Variants in SVEP1 observed in about 807,000 individuals in gnomAD.
The protein encoded by SVEP1 is sushi, von Willebrand factor type A, EGF and pentraxin domain containing 1.
Under a neutral mutation model 367.3 loss-of-function variants are expected in SVEP1, and 164 were observed. The observed-to-expected ratio is 0.45, with a 90% CI of 0.39 to 0.51. The LOEUF (loss-of-function observed/expected upper bound fraction) is 0.51. Among genes scored for constraint, SVEP1 ranks in the 20% least tolerant of loss-of-function variants. The pLI is 0.00. For synonymous variants in SVEP1, 1,666 were observed against 1,611.6 expected (o/e 1.03, Z -0.81); for missense variants, 4,117 against 4,425.3 (o/e 0.93, Z 1.98).
At chr9:110,423,155 T>TAAAAAAAAAAAAAAAAAAAAAAAAA (rs1181321402) in intron 36 of SVEP1, among the ~76,000 whole-genome samples, 1 of 56,512 alleles carries the variant, frequency 1.8e-5, no homozygotes. Context: ...AATAAAAAAA[T>TAAAAAAAAAAAAAAAAAAAAAAAAA]AAAAAAATAA....
At chr9:110,437,325 T>G (rs1828444430) in intron 27 of SVEP1, among the ~76,000 whole-genome samples, 1 of 152,106 alleles carries the variant, frequency 6.6e-6, no homozygotes, top group Non-Finnish European at 1.5e-5. Context: ...CTGGCAACAA[T>G]GCCTAACCCT....
chr9:110,471,393 G>A lies in SVEP1; in HGVS notation c.2969C>T (p.Pro990Leu), dbSNP rs894041929. The stretch of plus-strand genomic sequence containing the variant: ...CATACGCCCTCTCAGCACTGAGCCT[G>A]GTCTGCAGAAGGGGGAAGCCTTTTT... ...ETKKASPFCR[P>L]GSVLRGRMCV... Residue 990 changes from proline (P) to leucine (L), a missense_variant, in exon 16 of 48, where the codon CCA becomes CTA. Coordinates refer to ENST00000374469, the MANE Select transcript of SVEP1 (RefSeq NM_153366.4). 3 of 1,613,856 alleles carry A rather than the reference G, an allele frequency of 1.9e-6. No individual in the cohort carries two copies. The highest frequency in any genetic ancestry group is 2.5e-6 in the Non-Finnish European group (3 of 1,179,886).
intron 40 of SVEP1, among the ~76,000 whole-genome samples, chr9:110,394,502 G>A (rs1464817798): frequency 1.3e-5 from 2 of 152,208 alleles, no homozygotes; most frequent in Non-Finnish European, 2.9e-5. Context: ...GCTGGACAGA[G>A]AATGACTTTG....
At chr9:110,494,197 A>G (rs950314582) in intron 8 of SVEP1, among the ~76,000 whole-genome samples, 2 of 152,194 alleles carry the variant, frequency 1.3e-5, no homozygotes, top group Non-Finnish European at 2.9e-5. Flanking sequence ...GGACAAGGAT[A>G]TCTTTGAGGT....
chr9:110,476,558 C>T lies in SVEP1; in HGVS notation c.2488-243G>A, dbSNP rs891542340. On this transcript the variant is annotated intron_variant, in intron 13 of 47. Transcript: ENST00000374469. ...ATGTCACTCACCATGAGAAGCCCAGCGCTCCTGGAATATCTCCTGTCTCTA... is the reference window on the plus strand; with the variant it reads ...ATGTCACTCACCATGAGAAGCCCAGTGCTCCTGGAATATCTCCTGTCTCTA... Among the ~76,000 whole-genome samples, 7 of 152,212 alleles carry T rather than the reference C, an allele frequency of 4.6e-5. No individual in the cohort carries two copies. In the East Asian group the frequency reaches 5.8e-4, roughly 13 times the overall value.
At chr9:110,513,188 G>T in intron 4 of SVEP1, 83 bp from the exon 5 acceptor site, 1 of 1,260,446 alleles carries the variant, frequency 7.9e-7, no homozygotes, top group Non-Finnish European at 1.1e-6. Flanking sequence ...TTTCAAGGGG[G>T]CATTTATGCA....
chr9:110,386,820 C>G (rs1423210473), intron 42 of SVEP1, among the ~76,000 whole-genome samples: 1 of 152,234 alleles, frequency 6.6e-6, no homozygotes, highest in Non-Finnish European at 1.5e-5. Flanking sequence ...TTAACAAGAG[C>G]AGTCTCAACT....
intron 3 of SVEP1, among the ~76,000 whole-genome samples, chr9:110,520,275 G>A (rs1258615721): frequency 6.6e-6 from 1 of 151,894 alleles, no homozygotes; most frequent in African/African-American, 2.4e-5. Flanking sequence ...TTCCCAAGGG[G>A]GAAAATTCCT....
chr9:110,466,760 C>CAAAAAAAAAAAAAAAAAAAAA lies in SVEP1; in HGVS notation c.3161-735_3161-734insTTTTTTTTTTTTTTTTTTTTT, dbSNP rs71371670. Among the ~76,000 whole-genome samples the CAAAAAAAAAAAAAAAAAAAAA allele has an allele frequency of 5.8e-4, 27 of 46,400 alleles. 9 individuals are homozygous for CAAAAAAAAAAAAAAAAAAAAA. Among genetic ancestry groups the CAAAAAAAAAAAAAAAAAAAAA allele is most frequent in the Admixed American group, 1.5e-3 (5 of 3,274 alleles). The allele number at this position is 46,400 out of a possible 152,430, so 30.4% of individuals were successfully genotyped here. ...TGGGCGACAGAGCGAGACTCCATCT[C>CAAAAAAAAAAAAAAAAAAAAA]AAAAAAAAAAAAAAAAAAGAACTGG... On this transcript the variant is annotated intron_variant, in intron 17 of 47. Coordinates refer to ENST00000374469, the MANE Select transcript of SVEP1 (RefSeq NM_153366.4).
intron 36 of SVEP1, among the ~76,000 whole-genome samples, chr9:110,424,357 A>AG (rs11422071): frequency 0.81 from 123,465 of 152,050 alleles, 50,318 homozygotes; most frequent in Middle Eastern, 0.87. Context: ...ATGTAAAAAA[A>AG]ATAAGGTTAA....
At chr9:110,398,822 A>G (rs199852161) in intron 40 of SVEP1, among the ~76,000 whole-genome samples, 3 of 152,168 alleles carry the variant, frequency 2.0e-5, no homozygotes, top group Non-Finnish European at 2.9e-5. Flanking sequence ...TTAGAATGGC[A>G]ATCATTAAAA....
intron 45 of SVEP1, among the ~76,000 whole-genome samples, chr9:110,376,014 A>G (rs1827345769): frequency 1.3e-5 from 2 of 152,226 alleles, no homozygotes; most frequent in Admixed American, 6.5e-5. Flanking sequence ...AACCCTGTTC[A>G]TGACTATCAT....
Position 110,404,493 on chromosome 9 carries a change from C to A in SVEP1, c.9500G>T (p.Gly3167Val), listed in dbSNP as rs775708070. The stretch of plus-strand genomic sequence containing the variant: ...GGAGATTCTCTCAGGGAACCAGCGA[C>A]CATCTTTCTGACAGGTGAATGTATC... ...DTDTFTCQKD[G>V]RWFPERISCS... is the part of the protein sequence containing the mutation. Residue 3167 changes from glycine (G) to valine (V), a missense_variant, in exon 39 of 48, where the codon GGT (glycine) becomes GTT (valine). By Grantham distance (109) the Gly-to-Val change is moderately radical. Coordinates refer to ENST00000374469, the MANE Select transcript of SVEP1 (RefSeq NM_153366.4). The A allele has an allele frequency of 6.2e-7, 1 of 1,613,994 alleles. No homozygotes were observed. Among genetic ancestry groups the A allele is most frequent in the Non-Finnish European group, 8.5e-7 (1 of 1,179,894 alleles).
At position 110,558,333 on chromosome 9, in the gene SVEP1, CAAAAAA is replaced by C. The variant is rs60516091; in HGVS notation, c.532-8235_532-8230del. ...GCAACATGGAGAAACCCTGTCTCTACAAAAAAAAAAAAAAAAAAAAATTGCAAAAAA... is the reference window on the plus strand; with the variant it reads ...GCAACATGGAGAAACCCTGTCTCTACAAAAAAAAAAAAAAATTGCAAAAAA... On this transcript the variant is annotated intron_variant, in intron 1 of 47. Transcript: ENST00000374469. Among the ~76,000 whole-genome samples the C allele has an allele frequency of 1.1e-4, 10 of 88,346 alleles. No individual in the cohort carries two copies. The Admixed American group carries it at 1.3e-3, about 12-fold the overall frequency. 58.0% of individuals were successfully genotyped at this position (88,346 alleles called of 152,430 possible).
At chr9:110,576,331 A>G (rs912476319) in intron 1 of SVEP1, among the ~76,000 whole-genome samples, 11 of 152,146 alleles carry the variant, frequency 7.2e-5, no homozygotes, top group Admixed American at 5.2e-4. Flanking sequence ...CTTATTTTGG[A>G]AAGAAGACTG....
intron 36 of SVEP1, among the ~76,000 whole-genome samples, chr9:110,426,886 C>T (rs1311194808): frequency 6.6e-6 from 1 of 152,128 alleles, no homozygotes; most frequent in East Asian, 1.9e-4. Flanking sequence ...AATGTAAAAA[C>T]CTGAACTTTA....
chr9:110,442,461 C>CT (rs11290774), intron 27 of SVEP1: 3,839 of 133,438 alleles, frequency 0.029, 65 homozygotes, highest in Non-Finnish European at 0.04. Context: ...TTTCTTTTTT[C>CT]TTTTTTTTTT....
At chr9:110,486,946 T>TTC (rs142014340) in intron 9 of SVEP1, among the ~76,000 whole-genome samples, 25,129 of 147,534 alleles carry the variant, frequency 0.17, 2,360 homozygotes, top group East Asian at 0.41. Context: ...CACCTGGACC[T>TTC]TCTCTCTCTC....
At chr9:110,384,803 T>C (rs1827495391) in intron 43 of SVEP1, among the ~76,000 whole-genome samples, 2 of 152,176 alleles carry the variant, frequency 1.3e-5, no homozygotes, top group Non-Finnish European at 2.9e-5. Flanking sequence ...TCTCATTAAG[T>C]GGCGTGCAAG....
Sources: gnomAD v4.1 joint callset for allele counts (sites outside exome capture counted in the v4.1 genomes callset) on GRCh38, gnomAD v4.1.1 for gene constraint, MANE v1.5 for transcripts, NCBI Gene and HGNC (gene_info 2026-07-23, HGNC 2026-07-21) for gene names.